Variants in DLGAP1 observed in about 807,000 individuals in gnomAD.
DLGAP1 encodes disks large-associated protein 1.
A neutral mutation model predicts 90.8 loss-of-function variants in DLGAP1; 11 were observed. The observed-to-expected ratio is 0.12, with a 90% CI of 0.08 to 0.20. DLGAP1 has a LOEUF of 0.20. Among genes scored for constraint, DLGAP1 ranks in the 10% least tolerant of loss-of-function variants. The probability of loss-of-function intolerance (pLI) is 1.00; values close to 1 mark genes in which losing one functional copy is unlikely to be tolerated. For missense variants in DLGAP1, 1,050 were observed against 1,333.8 expected, an observed-to-expected ratio of 0.79 and a Z score of 3.31; for synonymous variants, 558 against 540.7, an observed-to-expected ratio of 1.03 and a Z score of -0.44.
Position 3,783,763 on chromosome 18 carries a change from T to C in DLGAP1, c.1172+30296A>G, listed in dbSNP as rs1175310184. Among the ~76,000 whole-genome samples, 3 of 152,184 alleles carry C rather than the reference T, an allele frequency of 2.0e-5. No individual in the cohort carries two copies. The East Asian group carries it at 5.8e-4, about 29-fold the overall frequency. On this transcript the variant is annotated intron_variant, in intron 5 of 12. Coordinates refer to ENST00000315677, the MANE Select transcript of DLGAP1 (RefSeq NM_004746.4). ...ACACTTAAAAAATGGGTGTGTTATATAGTATGTGCATTATATCTAAATAAA... is the reference window on the plus strand; with the variant it reads ...ACACTTAAAAAATGGGTGTGTTATACAGTATGTGCATTATATCTAAATAAA...
chr18:4,275,370 T>C (rs778717052), intron 1 of DLGAP1: 4 of 152,174 alleles, frequency 2.6e-5, no homozygotes, highest in Non-Finnish European at 5.9e-5. Context: ...AAATGTTACT[T>C]CTCAAACAGG....
chr18:4,152,278 CTAAG>C (rs1371862081), intron 1 of DLGAP1, among the ~76,000 whole-genome samples: 1 of 152,148 alleles, frequency 6.6e-6, no homozygotes, highest in African/African-American at 2.4e-5. Flanking sequence ...AATAATAAAT[CTAAG>C]TAATAAGCAG....
chr18:3,834,453 T>C (rs2068255883), intron 4 of DLGAP1, among the ~76,000 whole-genome samples: 1 of 152,152 alleles, frequency 6.6e-6, no homozygotes, highest in Non-Finnish European at 1.5e-5. Context: ...GTTAATATAG[T>C]ACAAAGTAGC....
rs941866262 is a variant in DLGAP1 at position 3,526,098 on chromosome 18, A to G, written c.2479+8096T>C. ...GGTTGTCTGGAGCTTACAAAAAGAG[A>G]CATGCAAGTATGTGTGTCTGTGTGT... On this transcript the variant is annotated intron_variant, in intron 10 of 12. Transcript: ENST00000315677. The surrounding 1 kb of genome is among the most constrained non-coding windows in gnomAD (Gnocchi z 4.7). Among the ~76,000 whole-genome samples, 1 of 152,166 alleles carries G rather than the reference A, an allele frequency of 6.6e-6. No individual in the cohort carries two copies. The highest frequency in any genetic ancestry group is 1.5e-5 in the Non-Finnish European group (1 of 68,036).
At chr18:4,263,459 G>A (rs963728551) in intron 1 of DLGAP1, among the ~76,000 whole-genome samples, 1 of 151,920 alleles carries the variant, frequency 6.6e-6, no homozygotes, top group Non-Finnish European at 1.5e-5. Context: ...TAATTTTTAA[G>A]TAAATATTAA....
intron 1 of DLGAP1, among the ~76,000 whole-genome samples, chr18:4,349,722 G>A (rs1245054490): frequency 2.6e-5 from 4 of 152,028 alleles, no homozygotes; most frequent in South Asian, 4.2e-4. Context: ...TAAAAAAACC[G>A]ATAACATGAA....
At chr18:4,363,795 T>G (rs1232320384) in intron 1 of DLGAP1, among the ~76,000 whole-genome samples, 23 of 152,268 alleles carry the variant, frequency 1.5e-4, no homozygotes, top group African/African-American at 5.1e-4. Flanking sequence ...GGAACACTTT[T>G]ACAAGGTTGG....
intron 2 of DLGAP1, among the ~76,000 whole-genome samples, chr18:4,092,941 G>A (rs915293797): frequency 1.3e-5 from 2 of 152,080 alleles, no homozygotes; most frequent in Non-Finnish European, 1.5e-5. Flanking sequence ...TCTTTTAACT[G>A]TATGGAGCCT....
intron 2 of DLGAP1, among the ~76,000 whole-genome samples, chr18:4,140,756 C>T (rs1453231380): frequency 2.0e-5 from 3 of 151,810 alleles, no homozygotes; most frequent in African/African-American, 4.8e-5. Context: ...TTCTGTTGTT[C>T]TCGAAAAGTA....
chr18:4,330,142 A>G (rs1453721057), intron 1 of DLGAP1, among the ~76,000 whole-genome samples: 1 of 151,956 alleles, frequency 6.6e-6, no homozygotes, highest in Admixed American at 6.6e-5. Flanking sequence ...TTAGTTGTCA[A>G]TTTTATTGGC....
intron 3 of DLGAP1, among the ~76,000 whole-genome samples, chr18:3,913,357 T>C (rs980212044): frequency 3.9e-5 from 6 of 152,296 alleles, no homozygotes; most frequent in South Asian, 2.1e-4. Flanking sequence ...AAAAGTGTTA[T>C]AGGATTACAG....
chr18:4,358,935 C>T (rs985330868), intron 1 of DLGAP1, among the ~76,000 whole-genome samples: 2 of 152,216 alleles, frequency 1.3e-5, no homozygotes, highest in Non-Finnish European at 2.9e-5. Flanking sequence ...GTCCGTTCTC[C>T]ATGTGTTTAA....
At chr18:4,258,594 G>A (rs935489036) in intron 1 of DLGAP1, among the ~76,000 whole-genome samples, 1 of 151,912 alleles carries the variant, frequency 6.6e-6, no homozygotes, top group South Asian at 2.1e-4. Flanking sequence ...ACACCAAAGT[G>A]GGAAAAGTGA....
At chr18:3,787,122 A>T (rs1173715398) in intron 5 of DLGAP1, among the ~76,000 whole-genome samples, 1 of 104,418 alleles carries the variant, frequency 9.6e-6, no homozygotes, top group Non-Finnish European at 2.4e-5. Context: ...AATGCTCATG[A>T]TAATCAAAAT....
chr18:4,268,748 T>A (rs753840224), intron 1 of DLGAP1, among the ~76,000 whole-genome samples: 1 of 152,210 alleles, frequency 6.6e-6, no homozygotes, highest in African/African-American at 2.4e-5. Context: ...TAAATACATA[T>A]TCTTACTTCA....
intron 1 of DLGAP1, among the ~76,000 whole-genome samples, chr18:4,422,205 A>G (rs1295201243): frequency 2.6e-5 from 4 of 151,634 alleles, no homozygotes; most frequent in Admixed American, 1.3e-4. Context: ...AAACAAGTGT[A>G]TATATAAAAA....
chr18:3,509,722 C>T (rs1046475258), intron 10 of DLGAP1, among the ~76,000 whole-genome samples: 12 of 152,186 alleles, frequency 7.9e-5, no homozygotes, highest in Non-Finnish European at 1.5e-4. Context: ...CCTTTCTCAA[C>T]CTCATTCCCC....
intron 1 of DLGAP1, among the ~76,000 whole-genome samples, chr18:4,382,844 G>C (rs1195664152): frequency 6.6e-6 from 1 of 152,048 alleles, no homozygotes; most frequent in East Asian, 1.9e-4. Context: ...TATTAAATAG[G>C]TCTCCTGAAG....
Position 4,204,513 on chromosome 18 carries a change from T to TTTTTTG in DLGAP1, c.-266-53232_-266-53227dup, listed in dbSNP as rs1555762764. Among the ~76,000 whole-genome samples, 1,308 of 151,736 alleles carry TTTTTTG rather than the reference T, an allele frequency of 8.6e-3. 19 individuals carry two copies. Among genetic ancestry groups the TTTTTTG allele is most frequent in the African/African-American group, 0.03 (1,232 of 41,288 alleles). ...TAACTGACAGGACTGTTGTGGTTTTTTTTTTGTTTTTGTTTTTTTTTCTGA... is the reference window on the plus strand; with the variant it reads ...TAACTGACAGGACTGTTGTGGTTTTTTTTTTGTTTTTGTTTTTGTTTTTTTTTCTGA... On this transcript the variant is annotated intron_variant, in intron 1 of 12. Transcript: ENST00000315677.
Sources: allele counts gnomAD v4.1 joint callset (sites outside exome capture counted in the v4.1 genomes callset), GRCh38; gene constraint gnomAD v4.1.1; non-coding constraint Gnocchi (gnomAD v3.1); transcripts MANE v1.5; gene names NCBI Gene and HGNC (gene_info 2026-07-23, HGNC 2026-07-21).